ME1: variants seen among roughly 807,000 people sequenced by gnomAD.
ME1 encodes the protein malic enzyme 1, also known as NADP-dependent malic enzyme.
A neutral mutation model predicts 66.4 loss-of-function variants in ME1; 74 were observed. That is an observed-to-expected ratio of 1.11 (90% CI 0.92 to 1.35). The LOEUF is 1.35. ME1 is among the 40% of genes most tolerant of loss of function. The pLI, the probability that ME1 is intolerant of heterozygous loss-of-function variation, is 0.00. For synonymous variants in ME1, 251 were observed against 235.6 expected, an observed-to-expected ratio of 1.07 and a Z score of -0.60; for missense variants, 750 against 694.1, an observed-to-expected ratio of 1.08 and a Z score of -0.90.
rs549000886 is a variant in ME1 at position 83,306,282 on chromosome 6, A to C, written c.704+9028T>G. Among the ~76,000 whole-genome samples, 291 of 152,168 alleles carry C rather than the reference A, an allele frequency of 1.9e-3. 3 individuals carry two copies. Among genetic ancestry groups the C allele is most frequent in the African/African-American group, 6.8e-3 (281 of 41,558 alleles). On this transcript the variant is annotated intron_variant, in intron 6 of 13. Coordinates refer to ENST00000369705, the MANE Select transcript of ME1 (RefSeq NM_002395.6). The stretch of plus-strand genomic sequence containing the variant: ...ATCTTGCTAAATTAAAGTTAAGAGA[A>C]TAAAAAAGGAGAGAGATACAGAAAA...
intron 9 of ME1, among the ~76,000 whole-genome samples, chr6:83,233,748 G>A (rs896645122): frequency 6.6e-6 from 1 of 151,070 alleles, no homozygotes; most frequent in African/African-American, 2.4e-5. Flanking sequence ...ATTATTATTG[G>A]TTCTCAGGAG....
chr6:83,253,949 C>T (rs1268874200), intron 6 of ME1, among the ~76,000 whole-genome samples: 1 of 152,072 alleles, frequency 6.6e-6, no homozygotes, highest in South Asian at 2.1e-4. Flanking sequence ...TGTGAAATAA[C>T]ATAAAATGAC....
At chr6:83,348,426 C>G (rs1768728231) in intron 4 of ME1, among the ~76,000 whole-genome samples, 1 of 152,010 alleles carries the variant, frequency 6.6e-6, no homozygotes, top group African/African-American at 2.4e-5. Context: ...GTTGGCCTGC[C>G]TATACTTACA....
chr6:83,393,221 C>A (rs1364373917), intron 3 of ME1: 8 of 1,138,498 alleles, frequency 7.0e-6, no homozygotes, highest in Non-Finnish European at 1.1e-5. Flanking sequence ...TCAAAGGCAT[C>A]CTGGGCTACT....
At chr6:83,375,030 G>A (rs1447355671) in intron 3 of ME1, among the ~76,000 whole-genome samples, 2 of 152,148 alleles carry the variant, frequency 1.3e-5, no homozygotes, top group Non-Finnish European at 2.9e-5. Flanking sequence ...CAGGTAGCAT[G>A]AGGCCTCTGG....
chr6:83,321,109 T>C (rs1326844105), intron 5 of ME1, among the ~76,000 whole-genome samples: 1 of 152,154 alleles, frequency 6.6e-6, no homozygotes, highest in Non-Finnish European at 1.5e-5. Flanking sequence ...CCTGAGCGAC[T>C]ATGCACTCTG....
intron 3 of ME1, among the ~76,000 whole-genome samples, chr6:83,362,467 C>T (rs1769023196): frequency 6.6e-6 from 1 of 152,224 alleles, no homozygotes; most frequent in African/African-American, 2.4e-5. Flanking sequence ...TGTCATCACC[C>T]AATGGGCCCA....
intron 6 of ME1, among the ~76,000 whole-genome samples, chr6:83,292,225 TC>T (rs1389047857): frequency 6.6e-6 from 1 of 152,220 alleles, no homozygotes; most frequent in East Asian, 1.9e-4. Context: ...TTTCAGCCTT[TC>T]TGCTCTGGTT....
At chr6:83,238,799 A>ATAC (rs1554263094) in intron 8 of ME1, among the ~76,000 whole-genome samples, 1 of 139,290 alleles carries the variant, frequency 7.2e-6, no homozygotes, top group African/African-American at 2.6e-5. Context: ...TTTCTTGAAA[A>ATAC]ATATATATAT....
intron 10 of ME1, among the ~76,000 whole-genome samples, 193 bp downstream of exon 10, chr6:83,228,633 C>T (rs557607588): frequency 6.6e-6 from 1 of 152,266 alleles, no homozygotes; most frequent in Non-Finnish European, 1.5e-5. Context: ...CCATACGCTT[C>T]ATCTCAGATC....
At chr6:83,412,990 C>A (rs1242426864) in intron 1 of ME1, among the ~76,000 whole-genome samples, 1 of 152,074 alleles carries the variant, frequency 6.6e-6, no homozygotes, top group East Asian at 1.9e-4. Flanking sequence ...TTATTAGACT[C>A]TATAGAGTCA....
chr6:83,246,705 A>T (rs1790629788), intron 7 of ME1, among the ~76,000 whole-genome samples: 1 of 152,110 alleles, frequency 6.6e-6, no homozygotes, highest in Non-Finnish European at 1.5e-5. Context: ...TAATTTGCAC[A>T]TCACTATTTC....
At chr6:83,287,657 T>C (rs1562470078) in intron 6 of ME1, among the ~76,000 whole-genome samples, 2 of 152,150 alleles carry the variant, frequency 1.3e-5, no homozygotes, top group African/African-American at 2.4e-5. Context: ...ATAATCCTTT[T>C]GGTATACACT....
intron 6 of ME1, among the ~76,000 whole-genome samples, chr6:83,275,558 C>T (rs1345106930): frequency 8.5e-5 from 12 of 141,720 alleles, no homozygotes; most frequent in Admixed American, 7.0e-4. Flanking sequence ...CTCCGCCTCC[C>T]GGGTTCATGC....
intron 7 of ME1, among the ~76,000 whole-genome samples, chr6:83,245,028 C>G (rs1562458109): frequency 6.6e-6 from 1 of 151,888 alleles, no homozygotes; most frequent in Non-Finnish European, 1.5e-5. Flanking sequence ...CATGTCAGGG[C>G]TGAAGATGGA....
intron 6 of ME1, among the ~76,000 whole-genome samples, chr6:83,266,019 T>G (rs1583347709): frequency 6.6e-6 from 1 of 152,200 alleles, no homozygotes; most frequent in African/African-American, 2.4e-5. Context: ...AATGTCACCA[T>G]TATGATACTT....
chr6:83,238,129 G>A (rs1790448964), intron 8 of ME1, among the ~76,000 whole-genome samples: 2 of 152,060 alleles, frequency 1.3e-5, no homozygotes, highest in Admixed American at 1.3e-4. Flanking sequence ...GGTCAACCTT[G>A]CTCATTGAAC....
intron 3 of ME1, among the ~76,000 whole-genome samples, chr6:83,367,858 G>A (rs946711667): frequency 3.3e-5 from 5 of 152,172 alleles, no homozygotes; most frequent in Non-Finnish European, 7.4e-5. Context: ...TTTCATTCAA[G>A]AAGTTTTCCT....
intron 6 of ME1, among the ~76,000 whole-genome samples, chr6:83,273,946 G>C (rs1156806418): frequency 1.3e-5 from 2 of 152,138 alleles, no homozygotes; most frequent in Non-Finnish European, 2.9e-5. Flanking sequence ...AGTGGAAACT[G>C]TTAAATGCTT....
Sources: gnomAD v4.1 joint callset for allele counts (sites outside exome capture counted in the v4.1 genomes callset) on GRCh38, gnomAD v4.1.1 for gene constraint, MANE v1.5 for transcripts, NCBI Gene and HGNC (gene_info 2026-07-23, HGNC 2026-07-21) for gene names.